The following NLGN1 variants were observed in gnomAD, a reference collection of about 807,000 sequenced individuals.
The protein encoded by NLGN1 is neuroligin 1, also known as neuroligin-1.
Under a neutral mutation model 65.5 loss-of-function variants are expected in NLGN1, and 12 were observed. That is an observed-to-expected ratio of 0.18 (90% CI 0.12 to 0.30). The LOEUF (loss-of-function observed/expected upper bound fraction) is 0.30. Among genes scored for constraint, NLGN1 ranks in the 10% least tolerant of loss-of-function variants. NLGN1 has a pLI of 1.00. For synonymous variants in NLGN1, 350 were observed against 359.5 expected (o/e 0.97, Z 0.30); for missense variants, 750 against 1,007.1 (o/e 0.74, Z 3.46).
intron 3 of NLGN1, among the ~76,000 whole-genome samples, chr3:173,675,868 GTC>G (rs10635715): frequency 6.9e-4 from 91 of 132,610 alleles, no homozygotes; most frequent in Admixed American, 1.3e-3. Flanking sequence ...CTCTCTCTTT[GTC>G]TCTCTCTCTC....
At chr3:173,683,767 G>A (rs1251876113) in intron 3 of NLGN1, among the ~76,000 whole-genome samples, 1 of 152,114 alleles carries the variant, frequency 6.6e-6, no homozygotes, top group Non-Finnish European at 1.5e-5. Context: ...GTGAAGTGTG[G>A]AAGGGTGGGT....
intron 4 of NLGN1, among the ~76,000 whole-genome samples, chr3:174,241,507 A>G (rs1742807176): frequency 6.6e-6 from 1 of 151,674 alleles, no homozygotes; most frequent in Non-Finnish European, 1.5e-5. Flanking sequence ...CACCAATTAA[A>G]AAAAAAAAAA....
At chr3:173,402,840 C>T (rs550717410) in intron 1 of NLGN1, among the ~76,000 whole-genome samples, 4 of 152,254 alleles carry the variant, frequency 2.6e-5, no homozygotes, top group South Asian at 4.1e-4. Flanking sequence ...GTCAATGAGA[C>T]AATGCGTTGT....
At chr3:173,977,108 C>G (rs889191444) in intron 4 of NLGN1, among the ~76,000 whole-genome samples, 2 of 144,188 alleles carry the variant, frequency 1.4e-5, no homozygotes, top group Non-Finnish European at 3.1e-5. Flanking sequence ...CACACACACG[C>G]ACACACACAC....
At chr3:173,616,680 C>G (rs1010687911) in intron 3 of NLGN1, among the ~76,000 whole-genome samples, 1 of 152,102 alleles carries the variant, frequency 6.6e-6, no homozygotes, top group Non-Finnish European at 1.5e-5. Context: ...GGTGCACGCT[C>G]TCCTTCCTTC....
intron 3 of NLGN1, among the ~76,000 whole-genome samples, chr3:173,806,296 A>G (rs1264230279): frequency 1.3e-5 from 2 of 152,136 alleles, no homozygotes; most frequent in East Asian, 1.9e-4. Context: ...TACATTACAC[A>G]TTCTATTTTT....
At chr3:173,975,671 A>G (rs1717264247) in intron 4 of NLGN1, among the ~76,000 whole-genome samples, 1 of 151,852 alleles carries the variant, frequency 6.6e-6, no homozygotes, top group Admixed American at 6.6e-5. Context: ...AATACTTTCC[A>G]ATTCCTTTTT....
intron 3 of NLGN1, among the ~76,000 whole-genome samples, chr3:173,771,811 A>G (rs1779628518): frequency 6.6e-6 from 1 of 151,954 alleles, no homozygotes; most frequent in Non-Finnish European, 1.5e-5. Context: ...GTAGTGTGGG[A>G]GCCTTTCGGG....
intron 2 of NLGN1, among the ~76,000 whole-genome samples, chr3:173,540,442 G>A (rs1738659880): frequency 6.6e-6 from 1 of 152,172 alleles, no homozygotes; most frequent in South Asian, 2.1e-4. Flanking sequence ...CCCACTATGT[G>A]TTTTGCCTCT....
intron 2 of NLGN1, among the ~76,000 whole-genome samples, chr3:173,532,340 T>C (rs2149187134): frequency 6.6e-6 from 1 of 152,322 alleles, no homozygotes; most frequent in Admixed American, 6.5e-5. Context: ...TATTTCAAGG[T>C]ATAGCTATTT....
At chr3:174,190,488 A>T (rs1321071323) in intron 4 of NLGN1, among the ~76,000 whole-genome samples, 3 of 152,094 alleles carry the variant, frequency 2.0e-5, no homozygotes, top group Non-Finnish European at 4.4e-5. Flanking sequence ...TAAACTTATT[A>T]GACTTATTGT....
In NLGN1 at chr3:173,879,475, A is replaced by T. The variant is rs1315839911; in HGVS notation, c.646+71643A>T. 2.0e-5 allele frequency among the ~76,000 whole-genome samples: 3 copies of T among 152,248 alleles called. No individual in the cohort carries two copies. The East Asian group carries it at 5.8e-4, about 29-fold the overall frequency. Reference sequence around the variant, plus strand: ...AAATAGTTTCTATATCGCAGCTGACATATCATTGTATTAATGCTGAGCATG... The same window carrying T: ...AAATAGTTTCTATATCGCAGCTGACTTATCATTGTATTAATGCTGAGCATG... On this transcript the variant is annotated intron_variant, in intron 4 of 6. Coordinates refer to ENST00000457714, the Ensembl canonical transcript of NLGN1.
intron 4 of NLGN1, among the ~76,000 whole-genome samples, chr3:174,003,653 A>G (rs1157035596): frequency 2.6e-5 from 4 of 152,162 alleles, no homozygotes; most frequent in Non-Finnish European, 5.9e-5. Context: ...CTCTCTCTGT[A>G]TATTTCGGTG....
At chr3:174,056,331 G>A (rs1222491522) in intron 4 of NLGN1, among the ~76,000 whole-genome samples, 1 of 151,702 alleles carries the variant, frequency 6.6e-6, no homozygotes. Context: ...GTGTGATGTA[G>A]GCTGATTTTT....
intron 4 of NLGN1, among the ~76,000 whole-genome samples, chr3:173,973,786 A>G (rs1232703209): frequency 6.6e-6 from 1 of 152,088 alleles, no homozygotes; most frequent in African/African-American, 2.4e-5. Context: ...GATAGTAATA[A>G]TGTTGGCTAC....
At chr3:174,207,871 T>C (rs1399251379) in intron 4 of NLGN1, among the ~76,000 whole-genome samples, 1 of 152,228 alleles carries the variant, frequency 6.6e-6, no homozygotes, top group Non-Finnish European at 1.5e-5. Context: ...GATGTACAAA[T>C]GAATTTCTCT....
downstream of NLGN1, among the ~76,000 whole-genome samples, chr3:174,289,973 A>G (rs1450943435): frequency 1.0e-4 from 12 of 114,376 alleles, no homozygotes; most frequent in South Asian, 2.6e-4. Context: ...ATATATGTAT[A>G]TATATATATA....
intron 4 of NLGN1, among the ~76,000 whole-genome samples, chr3:174,248,409 A>G (rs1744177581): frequency 6.6e-6 from 1 of 152,234 alleles, no homozygotes; most frequent in African/African-American, 2.4e-5. Context: ...TTTATTGAGC[A>G]CATAATATGT....
intron 4 of NLGN1, among the ~76,000 whole-genome samples, chr3:174,190,497 G>T (rs1307825874): frequency 6.6e-6 from 1 of 151,844 alleles, no homozygotes; most frequent in African/African-American, 2.4e-5. Flanking sequence ...TAGACTTATT[G>T]TAAAAATATT....
Sources: gnomAD v4.1 joint callset for allele counts (sites outside exome capture counted in the v4.1 genomes callset) on GRCh38, gnomAD v4.1.1 for gene constraint, MANE v1.5 for transcripts, NCBI Gene and HGNC (gene_info 2026-07-23, HGNC 2026-07-21) for gene names.